PDE4B: variants seen among roughly 807,000 people sequenced by gnomAD.
PDE4B encodes 3',5'-cyclic-AMP phosphodiesterase 4B.
PDE4B carries 20 observed loss-of-function variants against 82.2 expected under a neutral mutation model. That is an observed-to-expected ratio of 0.24 (90% CI 0.17 to 0.35). The LOEUF is 0.35. PDE4B is among the 10% of genes least tolerant of loss of function. The probability of loss-of-function intolerance (pLI) is 1.00; values close to 1 mark genes in which losing one functional copy is unlikely to be tolerated. For missense variants in PDE4B, 655 were observed against 907.2 expected (o/e 0.72, Z 3.57); for synonymous variants, 320 against 318.9 (o/e 1.00, Z -0.04).
At chr1:66,088,751 T>C (rs529381410) in intron 3 of PDE4B, among the ~76,000 whole-genome samples, 1 of 152,240 alleles carries the variant, frequency 6.6e-6, no homozygotes, top group Non-Finnish European at 1.5e-5. Context: ...CCGGACACAA[T>C]GCCATTATAT....
chr1:66,110,993 G>C (rs148437405), intron 3 of PDE4B, among the ~76,000 whole-genome samples: 117 of 152,072 alleles, frequency 7.7e-4, no homozygotes, highest in African/African-American at 2.7e-3. Flanking sequence ...ACTTTGTAAC[G>C]CCCTGGAAGC....
intron 8 of PDE4B, among the ~76,000 whole-genome samples, chr1:66,346,778 G>A (rs1661427211): frequency 6.6e-6 from 1 of 152,204 alleles, no homozygotes; most frequent in Admixed American, 6.5e-5. Context: ...AAGGTACCAT[G>A]AGCTCAGATT....
At chr1:65,904,443 C>T (rs192822545) in intron 1 of PDE4B, among the ~76,000 whole-genome samples, 45 of 152,152 alleles carry the variant, frequency 3.0e-4, no homozygotes, top group Admixed American at 2.5e-3. Context: ...ACACAATTTA[C>T]GTTTTCCAAT....
chr1:66,121,429 G>C (rs1229367163), intron 3 of PDE4B, among the ~76,000 whole-genome samples: 1 of 152,158 alleles, frequency 6.6e-6, no homozygotes, highest in Admixed American at 6.5e-5. Flanking sequence ...ATGAGCCAGA[G>C]GGGATAATTT....
chr1:65,806,484 C>T (rs1248626955), intron 1 of PDE4B, among the ~76,000 whole-genome samples: 2 of 152,118 alleles, frequency 1.3e-5, no homozygotes, highest in African/African-American at 4.8e-5. Context: ...AGAACACATA[C>T]TAAAATAGCT....
At chr1:65,918,123 C>T (rs890567953) in intron 2 of PDE4B, among the ~76,000 whole-genome samples, 1 of 152,134 alleles carries the variant, frequency 6.6e-6, no homozygotes, top group African/African-American at 2.4e-5. Flanking sequence ...GAGATCACTC[C>T]AGCCTGGGTG....
chr1:65,980,094 C>T (rs1024230168), intron 3 of PDE4B, among the ~76,000 whole-genome samples: 4 of 152,038 alleles, frequency 2.6e-5, no homozygotes, highest in African/African-American at 9.7e-5. Context: ...CGCCATGAGA[C>T]GGGTGCCACA....
intron 7 of PDE4B, among the ~76,000 whole-genome samples, chr1:66,285,770 A>G (rs1176463363): frequency 6.6e-6 from 1 of 152,074 alleles, no homozygotes; most frequent in Non-Finnish European, 1.5e-5. Context: ...GAGGAGTGAC[A>G]GGAACCAAGA....
Position 66,247,710 on chromosome 1 carries a change from G to A in PDE4B, c.476+56G>A, listed in dbSNP as rs1653432709. ...TCACATTTACCTCATCTCTACCCAG[G>A]TCACAGTGGCAGCAACAACAATTCC... is the stretch of plus-strand genomic sequence containing the variant. On this transcript the variant is annotated intron_variant, in intron 4 of 16. Coordinates refer to ENST00000341517, the MANE Select transcript of PDE4B (RefSeq NM_002600.4). 1.1e-5 allele frequency: 15 copies of A among 1,312,822 alleles called. 1 individual carries two copies. The South Asian group carries it at 1.7e-4, about 15-fold the overall frequency. 81.3% of individuals were successfully genotyped at this position (1,312,822 alleles called of 1,614,324 possible).
intron 1 of PDE4B, among the ~76,000 whole-genome samples, chr1:65,907,500 G>T (rs1218711811): frequency 6.6e-6 from 1 of 152,116 alleles, no homozygotes; most frequent in African/African-American, 2.4e-5. Context: ...TCGGGGCTGG[G>T]AGTGGAGACA....
rs143996482 is a variant in PDE4B at position 66,109,950 on chromosome 1, T to C, written c.282-137510T>C. Among the ~76,000 whole-genome samples the C allele has an allele frequency of 5.9e-5, 9 of 152,142 alleles. No individual in the cohort carries two copies. The East Asian group carries it at 1.7e-3, about 29-fold the overall frequency. ...ACCCATAGGTGACTCAGTTCATTTC[T>C]GTGCAGTACTCTTAAAATAGAGATT... On this transcript the variant is annotated intron_variant, in intron 3 of 16. Transcript: ENST00000341517.
At chr1:66,176,185 A>G (rs1646928389) in intron 3 of PDE4B, among the ~76,000 whole-genome samples, 1 of 152,210 alleles carries the variant, frequency 6.6e-6, no homozygotes, top group Non-Finnish European at 1.5e-5. Flanking sequence ...AACAAAGGCA[A>G]GATTTCCCAC....
intron 1 of PDE4B, among the ~76,000 whole-genome samples, chr1:65,887,483 T>C (rs1426412033): frequency 7.7e-6 from 1 of 129,796 alleles, no homozygotes; most frequent in Non-Finnish European, 1.6e-5. Flanking sequence ...AGTGGTGCAA[T>C]CTTGGCTCAC....
At chr1:66,201,119 T>G (rs1171870384) in intron 3 of PDE4B, among the ~76,000 whole-genome samples, 1 of 152,234 alleles carries the variant, frequency 6.6e-6, no homozygotes, top group Non-Finnish European at 1.5e-5. Flanking sequence ...GGTTTTTGTC[T>G]TTGGTTCTGT....
At chr1:65,996,834 G>C (rs1344261396) in intron 3 of PDE4B, among the ~76,000 whole-genome samples, 1 of 152,142 alleles carries the variant, frequency 6.6e-6, no homozygotes, top group Non-Finnish European at 1.5e-5. Context: ...AAGTTGCAAA[G>C]TGTCAATGGA....
intron 3 of PDE4B, among the ~76,000 whole-genome samples, chr1:65,932,593 C>A (rs528391643): frequency 6.6e-6 from 1 of 151,804 alleles, no homozygotes; most frequent in African/African-American, 2.4e-5. Flanking sequence ...GGATTCCAAA[C>A]AAAGGAACAA....
At chr1:65,999,009 GC>G (rs1383725560) in intron 3 of PDE4B, among the ~76,000 whole-genome samples, 1 of 152,036 alleles carries the variant, frequency 6.6e-6, no homozygotes, top group Non-Finnish European at 1.5e-5. Flanking sequence ...TGTTTTCCTG[GC>G]CTTTTAGTGT....
intron 3 of PDE4B, among the ~76,000 whole-genome samples, chr1:66,134,894 A>C (rs980662436): frequency 5.9e-5 from 9 of 152,250 alleles, no homozygotes; most frequent in Admixed American, 2.0e-4. Context: ...AGGGAGATAA[A>C]ACAGAAAGAT....
At chr1:66,135,633 A>G (rs753475961) in intron 3 of PDE4B, among the ~76,000 whole-genome samples, 1 of 152,208 alleles carries the variant, frequency 6.6e-6, no homozygotes, top group Non-Finnish European at 1.5e-5. Context: ...TTTGAGGGCT[A>G]TGTGAGGCAT....
Sources: allele counts gnomAD v4.1 joint callset (sites outside exome capture counted in the v4.1 genomes callset), GRCh38; gene constraint gnomAD v4.1.1; transcripts MANE v1.5; gene names NCBI Gene and HGNC (gene_info 2026-07-23, HGNC 2026-07-21).